Variants in CMTM4 observed in about 807,000 individuals in gnomAD.
CMTM4 encodes CKLF like MARVEL transmembrane domain containing 4.
CMTM4 carries 8 observed loss-of-function variants against 19.0 expected under a neutral mutation model. The observed-to-expected ratio is 0.42, with a 90% CI of 0.25 to 0.76. The LOEUF (loss-of-function observed/expected upper bound fraction) is 0.76, where lower values mean the gene tolerates loss of function less well. CMTM4 is among the 30% of genes least tolerant of loss of function. The pLI is 0.27. For synonymous variants in CMTM4, 106 were observed against 121.1 expected (o/e 0.88, Z 0.82); for missense variants, 228 against 290.2 (o/e 0.79, Z 1.56).
rs1448824578 is a variant in CMTM4 at position 66,633,172 on chromosome 16, T to C, written c.363+3233A>G. ...CAAAGTCCCACAATCCATCCAAAAA[T>C]AAACCCAAACCAAAAACTTGACATT... On this transcript the variant is annotated intron_variant, in intron 2 of 3. Coordinates refer to ENST00000394106, the MANE Select transcript of CMTM4 (RefSeq NM_181521.3). Among the ~76,000 whole-genome samples, 3 of 147,308 alleles carry C rather than the reference T, an allele frequency of 2.0e-5. No homozygotes were observed. In the East Asian group the frequency reaches 5.9e-4, roughly 29 times the overall value.
At chr16:66,604,946 C>G in the CMTM4 span, 1 of 1,504,876 alleles carries the variant, frequency 6.6e-7, no homozygotes, top group Non-Finnish European at 8.8e-7. Flanking sequence ...TCCTGCTGGC[C>G]GAGTCGGTGA....
At chr16:66,642,859 T>C (rs1356005830) in intron 1 of CMTM4, among the ~76,000 whole-genome samples, 1 of 152,214 alleles carries the variant, frequency 6.6e-6, no homozygotes, top group East Asian at 1.9e-4. Context: ...GTTACCATAA[T>C]AGTCATCCTT....
At chr16:66,683,160 C>CGTATATATATACAT (rs2016956026) in intron 1 of CMTM4, among the ~76,000 whole-genome samples, 1 of 75,552 alleles carries the variant, frequency 1.3e-5, no homozygotes, top group East Asian at 5.5e-4. Context: ...TATATATATA[C>CGTATATATATACAT]GTATATATAT....
At chr16:66,655,007 C>A (rs1443799208) in intron 1 of CMTM4, among the ~76,000 whole-genome samples, 1 of 151,876 alleles carries the variant, frequency 6.6e-6, no homozygotes, top group Non-Finnish European at 1.5e-5. Context: ...TTTCGGGGGG[C>A]TTTTTTGAGA....
At chr16:66,674,885 G>A (rs1182803470) in intron 1 of CMTM4, among the ~76,000 whole-genome samples, 1 of 151,246 alleles carries the variant, frequency 6.6e-6, no homozygotes, top group African/African-American at 2.4e-5. Context: ...GGGATTACAG[G>A]TGCCTGCCAC....
In CMTM4 at chr16:66,619,908, G is replaced by A. The variant is rs992067438; in HGVS notation, c.*2150C>T. On this transcript the variant is annotated 3_prime_UTR_variant, in exon 4 of 4. Transcript: ENST00000394106. ...ACTCTCTGGCGTGTCATCCTTTTTG[G>A]TCATTCATCTGCATTTAGTTTCAGT... 1.9e-5 allele frequency: 19 copies of A among 985,302 alleles called. No homozygotes were observed. Among genetic ancestry groups the A allele is most frequent in the Non-Finnish European group, 2.2e-5 (18 of 829,942 alleles). 61.0% of individuals were successfully genotyped at this position (985,302 alleles called of 1,614,324 possible). A position where few individuals can be genotyped will look rare whatever the true frequency, so the allele number is the denominator to read the frequency against.
intron 1 of CMTM4, among the ~76,000 whole-genome samples, chr16:66,672,071 T>C (rs929719510): frequency 1.3e-5 from 2 of 151,908 alleles, no homozygotes; most frequent in African/African-American, 4.8e-5. Context: ...AGGATATATT[T>C]ATAACACATA....
At chr16:66,624,602 A>C (rs2015700169) in intron 2 of CMTM4, among the ~76,000 whole-genome samples, 1 of 152,150 alleles carries the variant, frequency 6.6e-6, no homozygotes, top group Non-Finnish European at 1.5e-5. Flanking sequence ...CCCCATCTCT[A>C]CTAAAAATAC....
At chr16:66,640,117 A>G (rs1251408933) in intron 1 of CMTM4, among the ~76,000 whole-genome samples, 1 of 152,072 alleles carries the variant, frequency 6.6e-6, no homozygotes, top group Non-Finnish European at 1.5e-5. Flanking sequence ...TGAGGTCAGG[A>G]GTTCGAGATC....
chr16:66,600,132 G>GGGGGGGGGT, the CMTM4 span, among the ~76,000 whole-genome samples: 1 of 141,970 alleles, frequency 7.0e-6, no homozygotes, highest in African/African-American at 2.8e-5. Context: ...GTGTGTGTGT[G>GGGGGGGGGT]TGTGTTTTTT....
chr16:66,609,684 A>G, the CMTM4 span: 4 of 1,539,920 alleles, frequency 2.6e-6, no homozygotes, highest in South Asian at 4.7e-5. This position sits in a 1 kb window ranked among gnomAD's most constrained non-coding sequence, Gnocchi z 4.4. Flanking sequence ...TTAAAGACTG[A>G]CTCTACCCGG....
At chr16:66,680,527 C>A (rs919868828) in intron 1 of CMTM4, among the ~76,000 whole-genome samples, 1 of 151,186 alleles carries the variant, frequency 6.6e-6, no homozygotes, top group Admixed American at 6.6e-5. Context: ...GTAATCCCAG[C>A]GCTTCGGGAG....
chr16:66,636,372 C>T (rs756825281), intron 2 of CMTM4, 33 bp downstream of exon 2: 3 of 1,585,246 alleles, frequency 1.9e-6, no homozygotes. Context: ...GGCACGTGAT[C>T]CTTTCATGGC....
In CMTM4 at chr16:66,625,544, T is replaced by C. The variant is rs566897834; in HGVS notation, c.364-2042A>G. ...AGTAATGATCATTAACAGTAGTGAG[T>C]GAAGAATGAGATGATGAATGGGAAC... On this transcript the variant is annotated intron_variant, in intron 2 of 3. Coordinates refer to ENST00000394106, the MANE Select transcript of CMTM4 (RefSeq NM_181521.3). Among the ~76,000 whole-genome samples, 6 of 151,182 alleles carry C rather than the reference T, an allele frequency of 4.0e-5. No homozygotes were observed. In the East Asian group the frequency reaches 1.2e-3, roughly 29 times the overall value.
intron 1 of CMTM4, among the ~76,000 whole-genome samples, chr16:66,687,101 C>G (rs1266023094): frequency 6.7e-6 from 1 of 148,498 alleles, no homozygotes; most frequent in African/African-American, 2.5e-5. Context: ...CCATTAGCAT[C>G]AACAAATTTA....
At chr16:66,606,175 G>A in the CMTM4 span, among the ~76,000 whole-genome samples, 5 of 152,052 alleles carry the variant, frequency 3.3e-5, no homozygotes, top group Admixed American at 1.3e-4. Flanking sequence ...CACAGGAGCC[G>A]CTGAGGGCAC....
rs2015502197 is a variant in CMTM4, at chr16:66,615,123, A to G, written c.*6935T>C. 6.6e-6 allele frequency: 1 copy of G among 152,244 alleles called. No individual in the cohort carries two copies. The highest frequency in any genetic ancestry group is 1.5e-5 in the Non-Finnish European group (1 of 68,048). The allele number at this position is 152,244 out of a possible 1,614,324, so 9.4% of individuals were successfully genotyped here. ...TTTGCCCAACGGGCATCGCCTCAGA[A>G]AGCCCACAGTTGTGTCTTTAAACTG... On this transcript the variant is annotated 3_prime_UTR_variant, in exon 4 of 4. Coordinates refer to ENST00000394106, the MANE Select transcript of CMTM4 (RefSeq NM_181521.3). The surrounding 1 kb of genome is among the most constrained non-coding windows in gnomAD (Gnocchi z 4.9).
Position 66,617,754 on chromosome 16 carries a change from T to C in CMTM4, c.*4304A>G. On this transcript the variant is annotated 3_prime_UTR_variant, in exon 4 of 4. Coordinates refer to ENST00000394106, the MANE Select transcript of CMTM4 (RefSeq NM_181521.3). Reference sequence around the variant, plus strand: ...GAGGGTGTCAGGCCTGCGTCCTGTCTGAGATGGCAGCCAAGCCAGCTTCAG... The same window carrying C: ...GAGGGTGTCAGGCCTGCGTCCTGTCCGAGATGGCAGCCAAGCCAGCTTCAG... The C allele has an allele frequency of 2.0e-6, 2 of 1,007,730 alleles. No individual in the cohort carries two copies. Among genetic ancestry groups the C allele is most frequent in the Non-Finnish European group, 2.4e-6 (2 of 844,454 alleles). 62.4% of individuals were successfully genotyped at this position (1,007,730 alleles called of 1,614,324 possible).
At chr16:66,673,930 G>A (rs1268670601) in intron 1 of CMTM4, among the ~76,000 whole-genome samples, 1 of 152,148 alleles carries the variant, frequency 6.6e-6, no homozygotes, top group Non-Finnish European at 1.5e-5. Flanking sequence ...TCCACAATGG[G>A]GCCATGGCCA....
Sources: allele counts gnomAD v4.1 joint callset (sites outside exome capture counted in the v4.1 genomes callset), GRCh38; gene constraint gnomAD v4.1.1; non-coding constraint Gnocchi (gnomAD v3.1); transcripts MANE v1.5; gene names NCBI Gene and HGNC (gene_info 2026-07-23, HGNC 2026-07-21).